ERI1: variants seen among roughly 807,000 people sequenced by gnomAD.
ERI1 encodes 3'-5' exoribonuclease 1.
Under a neutral mutation model 39.7 loss-of-function variants are expected in ERI1, and 39 were observed. The observed-to-expected ratio is 0.98, with a 90% confidence interval of 0.76 to 1.28. The LOEUF is 1.28. Among genes scored for constraint, ERI1 ranks in the 50% most tolerant of loss-of-function variants. The pLI is 0.00. For synonymous variants in ERI1, 204 were observed against 149.6 expected, an observed-to-expected ratio of 1.36 and a Z score of -2.65; for missense variants, 581 against 416.9, an observed-to-expected ratio of 1.39 and a Z score of -3.43.
chr8:9,043,314 C>G (rs866144885), intron 3 of ERI1, among the ~76,000 whole-genome samples: 1 of 152,198 alleles, frequency 6.6e-6, no homozygotes, highest in Non-Finnish European at 1.5e-5. Flanking sequence ...CCCAACCACC[C>G]AGTTTCAAGC....
intron 3 of ERI1, among the ~76,000 whole-genome samples, chr8:9,043,864 A>T (rs971925750): frequency 6.6e-6 from 1 of 152,236 alleles, no homozygotes; most frequent in African/African-American, 2.4e-5. Flanking sequence ...CAACAAAGAA[A>T]TATTTACTGA....
chr8:9,040,864 C>T (rs963739936), intron 3 of ERI1, among the ~76,000 whole-genome samples: 16 of 152,230 alleles, frequency 1.1e-4, no homozygotes, highest in African/African-American at 2.2e-4. Flanking sequence ...CAAGAAGCCT[C>T]TCCATCAGCC....
At chr8:9,065,644 G>C (rs1289413174) in intron 3 of ERI1, among the ~76,000 whole-genome samples, 1 of 144,030 alleles carries the variant, frequency 6.9e-6, no homozygotes, top group Non-Finnish European at 1.5e-5. Context: ...GCAGTGAGCT[G>C]AGATCGCAGC....
intron 3 of ERI1, among the ~76,000 whole-genome samples, chr8:9,014,423 T>C (rs959859930): frequency 6.6e-6 from 1 of 152,234 alleles, no homozygotes; most frequent in African/African-American, 2.4e-5. Context: ...CTTACTGCTC[T>C]ACTTTCCTTT....
chr8:9,098,407 C>G (rs1585309528), intron 3 of ERI1, among the ~76,000 whole-genome samples: 1 of 152,148 alleles, frequency 6.6e-6, no homozygotes, highest in Admixed American at 6.6e-5. Context: ...GTAATCTCAG[C>G]TACTTGGGAG....
At chr8:9,063,966 G>A (rs1461464130) in intron 3 of ERI1, among the ~76,000 whole-genome samples, 1 of 151,958 alleles carries the variant, frequency 6.6e-6, no homozygotes, top group African/African-American at 2.4e-5. Flanking sequence ...CCAGAGAAAA[G>A]AGAGAGTAGA....
rs750781531 is a variant in ERI1 at position 9,029,969 on chromosome 8, A to C, written c.985A>C (p.Ser329Arg). 2.5e-6 allele frequency: 4 copies of C among 1,614,128 alleles called. No homozygotes were observed. Among genetic ancestry groups the C allele is most frequent in the South Asian group, 1.1e-5 (1 of 91,090 alleles). Reference protein sequence around the residue: ...NEKMHAGQLMSVSSSLPIEGT... With the variant: ...NEKMHAGQLMRVSSSLPIEGT... ...GAAAATGCATGCAGGACAGCTAATG[A>C]GTGTGTCCTCTTCCTTACCAATAGA... The change falls in exon 7 of 7, where the codon AGT (serine) becomes CGT (arginine). Residue 329 changes from serine (S) to arginine (R), a missense_variant. Physicochemically the swap from Ser to Arg is moderately radical, Grantham distance 110. Coordinates refer to ENST00000250263, the MANE Select transcript of ERI1 (RefSeq NM_153332.4).
intron 3 of ERI1, among the ~76,000 whole-genome samples, chr8:9,092,895 G>A (rs148683015): frequency 3.9e-4 from 59 of 152,332 alleles, no homozygotes; most frequent in Non-Finnish European, 6.6e-4. Context: ...CCTTCTGAGG[G>A]CTGGGAGGGA....
chr8:9,003,050 G>C lies in ERI1; in HGVS notation c.-14G>C, dbSNP rs749684230. ...GTCCGGCTCCAGCAACTCTCCTCTG[G>C]CGTGACAGCCGGCATGGAGGATCCA... On this transcript the variant is annotated 5_prime_UTR_variant, in exon 1 of 7. Transcript: ENST00000250263. 2.2e-4 allele frequency: 275 copies of C among 1,244,380 alleles called. No homozygotes were observed. Among genetic ancestry groups the C allele is most frequent in the Non-Finnish European group, 2.7e-4 (268 of 985,418 alleles). 77.1% of individuals were successfully genotyped at this position (1,244,380 alleles called of 1,614,324 possible). A position where few individuals can be genotyped will look rare whatever the true frequency, so the allele number is the denominator to read the frequency against.
chr8:9,054,395 C>G (rs146235760), intron 3 of ERI1, among the ~76,000 whole-genome samples: 4 of 152,134 alleles, frequency 2.6e-5, no homozygotes, highest in African/African-American at 9.6e-5. Flanking sequence ...ATTTTTGTTT[C>G]TATTCTTTAT....
At chr8:9,088,476 C>CGGCAAAAG (rs1799598829) in intron 3 of ERI1, 1 of 152,146 alleles carries the variant, frequency 6.6e-6, no homozygotes. Context: ...AGGAAAGGAC[C>CGGCAAAAG]AGGAGTGGCG....
chr8:9,044,772 C>T (rs1798126454), intron 3 of ERI1, among the ~76,000 whole-genome samples: 1 of 152,064 alleles, frequency 6.6e-6, no homozygotes, highest in African/African-American at 2.4e-5. Context: ...CGGTATTTTC[C>T]CAGTGGAGTT....
intron 2 of ERI1, among the ~76,000 whole-genome samples, chr8:9,009,642 C>T (rs1448511676): frequency 1.3e-5 from 2 of 152,010 alleles, no homozygotes; most frequent in African/African-American, 2.4e-5. Context: ...TGGATTCAAG[C>T]GATTCTCGTG....
At position 9,068,713 on chromosome 8, in the gene ERI1, T is replaced by G. The variant is rs1426667607; in HGVS notation, n.300-47635T>G. Among the ~76,000 whole-genome samples, 4 of 152,226 alleles carry G rather than the reference T, an allele frequency of 2.6e-5. No homozygotes were observed. In the East Asian group the frequency reaches 5.8e-4, roughly 22 times the overall value. On this transcript the variant is annotated intron_variant and non_coding_transcript_variant, in intron 3 of 3. Transcript: ENST00000518663. Reference sequence around the variant, plus strand: ...ACATATGTATTGTCTTACTCTCTCTTCATTAGAATGTAAGCTTCCTGAGAG... The same window carrying G: ...ACATATGTATTGTCTTACTCTCTCTGCATTAGAATGTAAGCTTCCTGAGAG...
At chr8:9,020,907 C>G (rs1817817123) in intron 6 of ERI1, among the ~76,000 whole-genome samples, 1 of 152,172 alleles carries the variant, frequency 6.6e-6, no homozygotes, top group South Asian at 2.1e-4. Context: ...TTATGTAAAG[C>G]TCTGTTTTTG....
At chr8:9,014,985 A>T (rs890582231) in intron 3 of ERI1, among the ~76,000 whole-genome samples, 1 of 152,180 alleles carries the variant, frequency 6.6e-6, no homozygotes, top group South Asian at 2.1e-4. Flanking sequence ...CTATACGTGC[A>T]TGCCACCTCG....
chr8:9,058,073 G>A (rs535149490), intron 3 of ERI1, among the ~76,000 whole-genome samples: 4 of 152,220 alleles, frequency 2.6e-5, no homozygotes, highest in Admixed American at 1.3e-4. Flanking sequence ...TCTGTCTGCC[G>A]TTTGAAAAGA....
intron 3 of ERI1, among the ~76,000 whole-genome samples, chr8:9,094,696 G>T (rs769834008): frequency 3.9e-5 from 6 of 152,160 alleles, no homozygotes; most frequent in African/African-American, 4.8e-5. Context: ...TCCTGCTGGA[G>T]TTCACTGCTT....
intron 3 of ERI1, 149 bp downstream of exon 3, chr8:9,011,901 T>G (rs1816713110): frequency 1.8e-6 from 1 of 544,324 alleles, no homozygotes; most frequent in South Asian, 3.0e-5. Flanking sequence ...TCAGCTTGAT[T>G]AATAGAAAAG....
Sources: gnomAD v4.1 joint callset for allele counts (sites outside exome capture counted in the v4.1 genomes callset) on GRCh38, gnomAD v4.1.1 for gene constraint, MANE v1.5 for transcripts, NCBI Gene and HGNC (gene_info 2026-07-23, HGNC 2026-07-21) for gene names.